MNAT1: variants seen among roughly 807,000 people sequenced by gnomAD.
MNAT1 encodes CDK-activating kinase assembly factor MAT1.
MNAT1 carries 43 observed loss-of-function variants against 42.0 expected under a neutral mutation model. That is an observed-to-expected ratio of 1.02 (90% CI 0.80 to 1.32). MNAT1 has a LOEUF of 1.32. Ranked by LOEUF, MNAT1 falls within the 40% of genes most tolerant of loss-of-function variation. The pLI, the probability that MNAT1 is intolerant of heterozygous loss-of-function variation, is 0.00. For missense variants in MNAT1, 306 were observed against 350.4 expected, an observed-to-expected ratio of 0.87 and a Z score of 1.01; for synonymous variants, 118 against 120.0, an observed-to-expected ratio of 0.98 and a Z score of 0.11.
At chr14:60,738,279 G>T (rs1361288023) in intron 1 of MNAT1, among the ~76,000 whole-genome samples, 2 of 117,024 alleles carry the variant, frequency 1.7e-5, no homozygotes, top group Non-Finnish European at 1.7e-5. Context: ...TTTTTGAGAC[G>T]AAGTTTTGCT....
intron 4 of MNAT1, among the ~76,000 whole-genome samples, chr14:60,811,008 A>G (rs1348758013): frequency 2.0e-5 from 3 of 151,926 alleles, no homozygotes; most frequent in African/African-American, 7.3e-5. Context: ...TCAGTTGTCA[A>G]TGTTTGCTTT....
rs545351989 is a variant in MNAT1 at position 60,909,008 on chromosome 14, T to C, written c.809+29173T>C. On this transcript the variant is annotated intron_variant, in intron 7 of 7. Transcript: ENST00000261245. The stretch of plus-strand genomic sequence containing the variant: ...TGTTGTTTCCTGACTTTTTAATGAT[T>C]GCCATTCTAACTGGTGTGAGATGGT... Among the ~76,000 whole-genome samples the C allele has an allele frequency of 6.7e-3, 1,023 of 152,260 alleles. 15 individuals are homozygous for C. The highest frequency in any genetic ancestry group is 0.023 in the African/African-American group (942 of 41,544).
chr14:60,866,474 A>G (rs2034205337), intron 6 of MNAT1, among the ~76,000 whole-genome samples: 1 of 152,058 alleles, frequency 6.6e-6, no homozygotes, highest in African/African-American at 2.4e-5. Context: ...AGGGAAAATG[A>G]CTAGCTTAGT....
intron 7 of MNAT1, among the ~76,000 whole-genome samples, chr14:60,891,352 T>C (rs1014488093): frequency 2.0e-5 from 3 of 152,122 alleles, no homozygotes; most frequent in Admixed American, 6.6e-5. Context: ...TTAATCTTCA[T>C]TATTTTCTTT....
chr14:60,848,594 A>T (rs2033737839), intron 6 of MNAT1, among the ~76,000 whole-genome samples: 1 of 152,106 alleles, frequency 6.6e-6, no homozygotes, highest in Admixed American at 6.5e-5. Context: ...AAATGGTGAT[A>T]CCGTGTTAAT....
intron 6 of MNAT1, among the ~76,000 whole-genome samples, chr14:60,854,497 C>T (rs761006450): frequency 3.2e-4 from 49 of 152,078 alleles, no homozygotes; most frequent in Non-Finnish European, 5.4e-4. Flanking sequence ...TGTGTGGGTC[C>T]TTTATGTTGA....
At chr14:60,952,594 A>G (rs764209533) in intron 7 of MNAT1, among the ~76,000 whole-genome samples, 1 of 152,204 alleles carries the variant, frequency 6.6e-6, no homozygotes, top group African/African-American at 2.4e-5. Context: ...AGATGACCCC[A>G]GTGAGGATGC....
intron 1 of MNAT1, among the ~76,000 whole-genome samples, chr14:60,760,487 T>A (rs1404719984): frequency 1.3e-5 from 2 of 152,218 alleles, no homozygotes; most frequent in African/African-American, 4.8e-5. Context: ...TATTTGTGTT[T>A]AGCAGCAAGT....
chr14:60,851,562 G>A (rs573813965), intron 6 of MNAT1, among the ~76,000 whole-genome samples: 11 of 151,620 alleles, frequency 7.3e-5, no homozygotes, highest in East Asian at 1.9e-4. Context: ...TTTAAGTTCC[G>A]GCATACATTT....
At position 60,800,306 on chromosome 14, in the gene MNAT1, T is replaced by G. The variant is rs527452401; in HGVS notation, c.316+2146T>G. On this transcript the variant is annotated intron_variant, in intron 3 of 7. Coordinates refer to ENST00000261245, the MANE Select transcript of MNAT1 (RefSeq NM_002431.4). ...ACTCGCGCCTGTAATCACAGCACTT[T>G]GGGAGGCCAAGGCAAGAGGATTGCT... Among the ~76,000 whole-genome samples, 5 of 152,270 alleles carry G rather than the reference T, an allele frequency of 3.3e-5. No individual in the cohort carries two copies. In the South Asian group the frequency reaches 1.0e-3, roughly 32 times the overall value.
chr14:60,863,887 G>T (rs373340099), intron 6 of MNAT1, among the ~76,000 whole-genome samples: 1 of 151,998 alleles, frequency 6.6e-6, no homozygotes, highest in African/African-American at 2.4e-5. Flanking sequence ...TTCTAGAAAG[G>T]CAATTTACTT....
chr14:60,741,738 G>A (rs1896473311), intron 1 of MNAT1, among the ~76,000 whole-genome samples: 1 of 140,152 alleles, frequency 7.1e-6, no homozygotes, highest in Admixed American at 7.8e-5. Flanking sequence ...AAACGCCTGA[G>A]CGCAAGTGAT....
At chr14:60,920,481 G>A (rs997939666) in intron 7 of MNAT1, among the ~76,000 whole-genome samples, 10 of 151,910 alleles carry the variant, frequency 6.6e-5, no homozygotes, top group Admixed American at 2.0e-4. Flanking sequence ...GTGCAGTGGC[G>A]CGATTTCGTC....
chr14:60,870,205 C>T (rs1195673823), intron 6 of MNAT1, among the ~76,000 whole-genome samples: 2 of 151,938 alleles, frequency 1.3e-5, no homozygotes, highest in African/African-American at 4.8e-5. Context: ...TTTTGACTAG[C>T]AAATGATGGA....
intron 7 of MNAT1, among the ~76,000 whole-genome samples, chr14:60,907,769 C>G (rs984774966): frequency 2.5e-5 from 2 of 81,448 alleles, no homozygotes; most frequent in Non-Finnish European, 4.7e-5. Context: ...ACAACAAGAG[C>G]GAAACTGTGT....
chr14:60,891,436 A>G (rs988296847), intron 7 of MNAT1, among the ~76,000 whole-genome samples: 2 of 149,550 alleles, frequency 1.3e-5, no homozygotes, highest in African/African-American at 4.9e-5. Context: ...TGTTGATTTA[A>G]GACTTTTCTT....
intron 7 of MNAT1, among the ~76,000 whole-genome samples, chr14:60,941,810 GCA>G (rs2036167363): frequency 6.6e-6 from 1 of 150,708 alleles, no homozygotes; most frequent in Non-Finnish European, 1.5e-5. Context: ...GGAGACCATC[GCA>G]GCTAACATGG....
chr14:60,858,986 T>C (rs185663430), intron 6 of MNAT1, among the ~76,000 whole-genome samples: 2 of 152,322 alleles, frequency 1.3e-5, no homozygotes, highest in East Asian at 3.9e-4. Context: ...CTGCAATATC[T>C]CCGAAGTATG....
At chr14:60,835,217 G>C (rs1175142027) in intron 6 of MNAT1, among the ~76,000 whole-genome samples, 1 of 152,044 alleles carries the variant, frequency 6.6e-6, no homozygotes, top group Admixed American at 6.6e-5. Flanking sequence ...TTGCCAGCCT[G>C]TGTCTTTTAA....
Sources: gnomAD v4.1 joint callset for allele counts (sites outside exome capture counted in the v4.1 genomes callset) on GRCh38, gnomAD v4.1.1 for gene constraint, MANE v1.5 for transcripts, NCBI Gene and HGNC (gene_info 2026-07-23, HGNC 2026-07-21) for gene names.